Variants in MEF2B observed in about 807,000 individuals in gnomAD.
MEF2B encodes myocyte enhancer factor 2B, also known as myocyte-specific enhancer factor 2B.
A neutral mutation model predicts 32.2 loss-of-function variants in MEF2B; 15 were observed. That is an observed-to-expected ratio of 0.47 (90% CI 0.31 to 0.72). MEF2B has a LOEUF of 0.72. Ranked by LOEUF, MEF2B falls within the 30% of genes least tolerant of loss-of-function variation. The probability of loss-of-function intolerance (pLI) is 0.05; values close to 1 mark genes in which losing one functional copy is unlikely to be tolerated. For synonymous variants in MEF2B, 205 were observed against 225.6 expected, an observed-to-expected ratio of 0.91 and a Z score of 0.82; for missense variants, 441 against 511.5, an observed-to-expected ratio of 0.86 and a Z score of 1.33.
In MEF2B at chr19:19,149,413, C is replaced by G. The variant is rs2146356297; in HGVS notation, c.71G>C (p.Arg24Pro). The G allele has an allele frequency of 6.2e-7, 1 of 1,613,978 alleles. No individual in the cohort carries two copies. Among genetic ancestry groups the G allele is most frequent in the Non-Finnish European group, 8.5e-7 (1 of 1,180,014 alleles). The stretch of plus-strand genomic sequence containing the variant: ...GGCCTTCTTCATCAGCCCGAACTTC[C>G]GCTTGGTGAACGTCACCTGGACCCA... ...QRNRQVTFTKRKFGLMKKAYE... is the reference protein window; with the variant it reads ...QRNRQVTFTKPKFGLMKKAYE... Residue 24 changes from arginine to proline, a missense_variant, in exon 3 of 9, where the codon CGG (arginine) becomes CCG (proline). Physicochemically the swap from Arg to Pro is moderately radical, Grantham distance 103. Transcript: ENST00000424583.
intron 1 of MEF2B, among the ~76,000 whole-genome samples, chr19:19,155,447 G>A (rs1443100039): frequency 2.0e-5 from 3 of 152,140 alleles, no homozygotes; most frequent in African/African-American, 7.2e-5. Flanking sequence ...GTCTCCTCCA[G>A]ACTAAAAGCC....
intron 1 of MEF2B, among the ~76,000 whole-genome samples, chr19:19,154,396 T>G (rs1473120904): frequency 2.6e-5 from 4 of 152,008 alleles, no homozygotes; most frequent in Non-Finnish European, 5.9e-5. Context: ...ACTCCTGACC[T>G]CATGATCCGC....
At chr19:19,148,212 C>T (rs184362352) in intron 3 of MEF2B, among the ~76,000 whole-genome samples, 73 of 152,350 alleles carry the variant, frequency 4.8e-4, no homozygotes, top group African/African-American at 1.6e-3. Flanking sequence ...GCCTACAATC[C>T]CGGCACTTTG....
chr19:19,156,591 C>T (rs574097300), intron 1 of MEF2B, among the ~76,000 whole-genome samples: 20 of 152,178 alleles, frequency 1.3e-4, no homozygotes, highest in African/African-American at 4.6e-4. Context: ...TCTCACAGAA[C>T]AGGAAAGTGC....
chr19:19,146,308 C>G lies in MEF2B; in HGVS notation c.846G>C (p.Arg282Ser). Reference sequence around the variant, plus strand: ...AGGACACGGCGGGGGGCCCATCACCCCTCGAGGGCTGCCAGGGGGCCAGGG... The same window carrying G: ...AGGACACGGCGGGGGGCCCATCACCGCTCGAGGGCTGCCAGGGGGCCAGGG... ...PPTLAPWQPS[R>S]GDGPPAVSSQ... Residue 282 changes from arginine to serine, a missense_variant, in exon 8 of 9, where the codon AGG becomes AGC. This residue lies in a region of MEF2B where 326 missense variants were observed against 328.4 expected (regional missense o/e 0.99). Transcript: ENST00000424583. 3 of 1,344,522 alleles carry G rather than the reference C, an allele frequency of 2.2e-6. No individual in the cohort carries two copies. The highest frequency in any genetic ancestry group is 1.9e-6 in the Non-Finnish European group (2 of 1,043,178). 83.3% of individuals were successfully genotyped at this position (1,344,522 alleles called of 1,614,324 possible). A position where few individuals can be genotyped will look rare whatever the true frequency, so the allele number is the denominator to read the frequency against.
chr19:19,149,178 G>C, intron 3 of MEF2B, 48 bp downstream of exon 3: 1 of 1,601,638 alleles, frequency 6.2e-7, no homozygotes, highest in Non-Finnish European at 8.5e-7. Context: ...CTCTGAGAAA[G>C]CAGCGTGCAC....
At chr19:19,160,313 G>A (rs2060150818) in intron 1 of MEF2B, among the ~76,000 whole-genome samples, 1 of 152,000 alleles carries the variant, frequency 6.6e-6, no homozygotes, top group African/African-American at 2.4e-5. Flanking sequence ...CCAAAAGGAA[G>A]AAGGTCTGGG....
chr19:19,170,245 G>A lies in MEF2B; in HGVS notation c.-70C>T, dbSNP rs2060243353. ...CCTGGGACGCTGGGCGCACGGACCC[G>A]CGGCGGCTGCACGAAGATCAGGGGC... On this transcript the variant is annotated 5_prime_UTR_variant, in exon 1 of 9. Coordinates refer to ENST00000424583, the MANE Select transcript of MEF2B (RefSeq NM_001145785.2). The A allele has an allele frequency of 2.5e-6, 1 of 398,560 alleles. No individual in the cohort carries two copies. Among genetic ancestry groups the A allele is most frequent in the Non-Finnish European group, 4.4e-6 (1 of 225,986 alleles). 24.7% of individuals were successfully genotyped at this position (398,560 alleles called of 1,614,324 possible).
In MEF2B at chr19:19,146,755, C is replaced by T. The variant is rs2146350832; in HGVS notation, c.662G>A (p.Gly221Glu). Residue 221 changes from glycine (G) to glutamate (E), a missense_variant, in exon 6 of 9, where the codon GGA becomes GAA. By Grantham distance (98) the Gly-to-Glu change is moderately conservative. Coordinates refer to ENST00000424583, the MANE Select transcript of MEF2B (RefSeq NM_001145785.2). ...LPGGLAGPRG[G>E]LNTSRSLYSG... is the part of the protein sequence containing the mutation. ...CCCCTCACTCACGGAGGTGTTTAGT[C>T]CCCCTCGGGGCCCAGCCAGGCCACC... is the stretch of plus-strand genomic sequence containing the variant. 1 of 1,614,070 alleles carries T rather than the reference C, an allele frequency of 6.2e-7. No individual in the cohort carries two copies. Among genetic ancestry groups the T allele is most frequent in the Non-Finnish European group, 8.5e-7 (1 of 1,179,962 alleles).
In MEF2B at chr19:19,145,960, G is replaced by A. The variant is rs539207859; in HGVS notation, c.944C>T (p.Pro315Leu). 1.1e-5 allele frequency: 16 copies of A among 1,440,380 alleles called. No homozygotes were observed. The highest frequency in any genetic ancestry group is 1.0e-4 in the African/African-American group (7 of 67,890). 89.2% of individuals were successfully genotyped at this position (1,440,380 alleles called of 1,614,324 possible). A position where few individuals can be genotyped will look rare whatever the true frequency, so the allele number is the denominator to read the frequency against. Residue 315 changes from proline to leucine, a missense_variant, in exon 9 of 9, where the codon CCA (proline) becomes CTA (leucine). Physicochemically the swap from Pro to Leu is moderately conservative, Grantham distance 98. Around this residue, in one of 2 missense-constraint regions of MEF2B, gnomAD observed 326 missense variants for 328.4 expected, o/e 0.99. Transcript: ENST00000424583. This position sits in a 1 kb window ranked among gnomAD's most constrained non-coding sequence, Gnocchi z 4.6. Reference sequence around the variant, plus strand: ...GAGGCGCTCAGACTTGATGCTGACTGGGGGGGTCGGCGGGGAGGCGCCGCG... The same window carrying A: ...GAGGCGCTCAGACTTGATGCTGACTAGGGGGGTCGGCGGGGAGGCGCCGCG... ...PTRGASPPTP[P>L]VSIKSERLSP...
rs1405470778 is a variant in MEF2B at position 19,145,727 on chromosome 19, G to C, written c.*70C>G. 21 of 1,557,530 alleles carry C rather than the reference G, an allele frequency of 1.3e-5. No homozygotes were observed. Among genetic ancestry groups the C allele is most frequent in the Non-Finnish European group, 1.8e-5 (21 of 1,150,892 alleles). On this transcript the variant is annotated 3_prime_UTR_variant, in exon 9 of 9. Coordinates refer to ENST00000424583, the MANE Select transcript of MEF2B (RefSeq NM_001145785.2). The surrounding 1 kb of genome is among the most constrained non-coding windows in gnomAD (Gnocchi z 4.6). ...GGGTCTTCTCTGAAGAGGCCTGGAGGGAGGTGGGGTCCCCACGTGCCCTCG... is the reference window on the plus strand; with the variant it reads ...GGGTCTTCTCTGAAGAGGCCTGGAGCGAGGTGGGGTCCCCACGTGCCCTCG...
rs367928185 is a variant in MEF2B at position 19,157,167 on chromosome 19, A to C, written c.-29-6403T>G. 3.2e-5 allele frequency: 6 copies of C among 189,378 alleles called. No individual in the cohort carries two copies. In the East Asian group the frequency reaches 5.6e-4, roughly 18 times the overall value. The allele number at this position is 189,378 out of a possible 1,614,324, so 11.7% of individuals were successfully genotyped here. ...GCTGGTGGCAGAGGAAAAAGGGACAAGCACTTGGATAATCCTCTGGCATCT... is the reference window on the plus strand; with the variant it reads ...GCTGGTGGCAGAGGAAAAAGGGACACGCACTTGGATAATCCTCTGGCATCT... On this transcript the variant is annotated intron_variant, in intron 1 of 8. Coordinates refer to ENST00000424583, the MANE Select transcript of MEF2B (RefSeq NM_001145785.2).
rs1211069075 is a variant in MEF2B, at chr19:19,150,174, G to A, written c.54+508C>T. 2.3e-3 allele frequency among the ~76,000 whole-genome samples: 248 copies of A among 108,708 alleles called. 1 individual carries two copies. Among genetic ancestry groups the A allele is most frequent in the African/African-American group, 9.1e-3 (229 of 25,208 alleles). The allele number at this position is 108,708 out of a possible 152,430, so 71.3% of individuals were successfully genotyped here. ...AGGGAAGGAGGGAGGGAGGGAAGGA[G>A]GGAGGGAGGGAAGGAAGGAAGGAAG... On this transcript the variant is annotated intron_variant, in intron 2 of 8. Coordinates refer to ENST00000424583, the MANE Select transcript of MEF2B (RefSeq NM_001145785.2).
At chr19:19,159,512 G>C (rs997770024) in intron 1 of MEF2B, among the ~76,000 whole-genome samples, 1 of 152,116 alleles carries the variant, frequency 6.6e-6, no homozygotes, top group Non-Finnish European at 1.5e-5. Flanking sequence ...GGCTGGGCCA[G>C]TGGGAAATAC....
chr19:19,150,597 C>A, intron 2 of MEF2B, 85 bp downstream of exon 2: 1 of 1,565,394 alleles, frequency 6.4e-7, no homozygotes, highest in South Asian at 1.1e-5. Context: ...CCCTGCAGTT[C>A]AATTGGTCAG....
At chr19:19,159,783 C>T in intron 1 of MEF2B, among the ~76,000 whole-genome samples, 1 of 152,096 alleles carries the variant, frequency 6.6e-6, no homozygotes, top group East Asian at 1.9e-4. Context: ...ATCTCCCCAG[C>T]CTGGCGAGGC....
intron 1 of MEF2B, among the ~76,000 whole-genome samples, chr19:19,160,738 T>C (rs1203110218): frequency 1.3e-5 from 2 of 152,030 alleles, no homozygotes; most frequent in African/African-American, 2.4e-5. Context: ...ACCCAGGCTG[T>C]GGTTTCATCA....
chr19:19,158,538 A>G (rs78350791), intron 1 of MEF2B, among the ~76,000 whole-genome samples: 25,389 of 146,318 alleles, frequency 0.17, 2,635 homozygotes, highest in East Asian at 0.34. Flanking sequence ...TGGGAGGATC[A>G]CTTGAGCCCA....
At position 19,146,846 on chromosome 19, in the gene MEF2B, GGC is replaced by G. The variant is rs2060030992; in HGVS notation, c.569_570del (p.Ser190ThrfsTer94). ...GGGGGTGGTGTCTTGCTGGTGAGGT[GGC>G]TTGGTGAGAAGAGAGGGTGCACCAG... is the stretch of plus-strand genomic sequence containing the variant. ...PGLVHPLFSP[S>X]HLTSKTPPPL... On this transcript the variant is annotated frameshift_variant, in exon 6 of 9. Coordinates refer to ENST00000424583, the MANE Select transcript of MEF2B (RefSeq NM_001145785.2). LOFTEE classifies it high-confidence loss of function. The G allele has an allele frequency of 2.5e-6, 4 of 1,613,382 alleles. No homozygotes were observed. Among genetic ancestry groups the G allele is most frequent in the Non-Finnish European group, 3.4e-6 (4 of 1,179,876 alleles).
Sources: allele counts gnomAD v4.1 joint callset (sites outside exome capture counted in the v4.1 genomes callset), GRCh38; gene constraint gnomAD v4.1.1; regional missense constraint gnomAD v4.1.1; non-coding constraint Gnocchi (gnomAD v3.1); transcripts MANE v1.5; gene names NCBI Gene and HGNC (gene_info 2026-07-23, HGNC 2026-07-21).